ELF1: variants seen among roughly 807,000 people sequenced by gnomAD.
ELF1 encodes E74 like ETS transcription factor 1.
In ELF1, 24 loss-of-function variants were observed where a neutral mutation model predicts 59.9. That is an observed-to-expected ratio of 0.40 (90% CI 0.29 to 0.56). The LOEUF (loss-of-function observed/expected upper bound fraction) is 0.56, where lower values mean the gene tolerates loss of function less well. Ranked by LOEUF, ELF1 falls within the 20% of genes least tolerant of loss-of-function variation. ELF1 has a pLI of 0.44. For missense variants in ELF1, 627 were observed against 742.2 expected, an observed-to-expected ratio of 0.84 and a Z score of 1.80; for synonymous variants, 248 against 266.2, an observed-to-expected ratio of 0.93 and a Z score of 0.67.
At chr13:41,042,533 C>A in intron 1 of ELF1, among the ~76,000 whole-genome samples, 1 of 152,088 alleles carries the variant, frequency 6.6e-6, no homozygotes, top group East Asian at 1.9e-4. Flanking sequence ...TGTTCAATTC[C>A]TACCTATGAG....
At chr13:41,002,338 A>G (rs1447018411) in intron 1 of ELF1, among the ~76,000 whole-genome samples, 4 of 152,142 alleles carry the variant, frequency 2.6e-5, no homozygotes, top group Non-Finnish European at 5.9e-5. Flanking sequence ...TTAATAGTAG[A>G]TGGCCTGCAG....
At chr13:40,935,821 C>T (rs1593345715) in intron 8 of ELF1, among the ~76,000 whole-genome samples, 1 of 151,908 alleles carries the variant, frequency 6.6e-6, no homozygotes, top group African/African-American at 2.4e-5. Context: ...TATAGGCACC[C>T]GCCACCATGC....
chr13:40,979,492 C>A (rs943262980), intron 2 of ELF1, among the ~76,000 whole-genome samples: 1 of 152,216 alleles, frequency 6.6e-6, no homozygotes, highest in South Asian at 2.1e-4. Flanking sequence ...TTAACCACCG[C>A]TACTACTAGG....
At chr13:41,059,758 T>C (rs890929011) in intron 1 of ELF1, among the ~76,000 whole-genome samples, 10 of 152,248 alleles carry the variant, frequency 6.6e-5, no homozygotes, top group Non-Finnish European at 1.3e-4. Flanking sequence ...ACAGGGCTTC[T>C]ATATTTAAAA....
chr13:41,049,936 G>A (rs1482975350), intron 1 of ELF1, among the ~76,000 whole-genome samples: 1 of 152,168 alleles, frequency 6.6e-6, no homozygotes, highest in African/African-American at 2.4e-5. Context: ...ATAAGAAACT[G>A]CATCATTACA....
chr13:41,052,233 C>A (rs1038354689), intron 1 of ELF1, among the ~76,000 whole-genome samples: 4 of 152,088 alleles, frequency 2.6e-5, no homozygotes, highest in Non-Finnish European at 4.4e-5. Context: ...AGACACTGCG[C>A]CTGGCCAGAA....
At chr13:40,952,554 G>T (rs1423565166) in intron 3 of ELF1, among the ~76,000 whole-genome samples, 1 of 151,808 alleles carries the variant, frequency 6.6e-6, no homozygotes, top group Non-Finnish European at 1.5e-5. Context: ...TAGAGACAGG[G>T]TCCCGCTATG....
At chr13:41,049,742 C>G (rs1172121326) in intron 1 of ELF1, among the ~76,000 whole-genome samples, 1 of 152,076 alleles carries the variant, frequency 6.6e-6, no homozygotes, top group Non-Finnish European at 1.5e-5. Flanking sequence ...CTTAGGGAAG[C>G]CTTCTCAATC....
At chr13:41,035,836 T>TAAA (rs776051057) in intron 1 of ELF1, among the ~76,000 whole-genome samples, 68 of 148,726 alleles carry the variant, frequency 4.6e-4, no homozygotes, top group East Asian at 3.9e-4. Context: ...AACTTCTTGT[T>TAAA]AAAAAAAAAA....
chr13:40,936,141 T>C (rs1037118560), intron 8 of ELF1, among the ~76,000 whole-genome samples: 5 of 152,118 alleles, frequency 3.3e-5, no homozygotes, highest in African/African-American at 1.2e-4. Context: ...CACAAACAGG[T>C]TGCAACAGCT....
chr13:41,055,580 T>C (rs1393562907), intron 1 of ELF1, among the ~76,000 whole-genome samples: 1 of 152,202 alleles, frequency 6.6e-6, no homozygotes, highest in African/African-American at 2.4e-5. Flanking sequence ...CATAATTATC[T>C]GTATACTTAC....
At chr13:41,010,275 A>G (rs1382062108) in intron 1 of ELF1, among the ~76,000 whole-genome samples, 2 of 134,756 alleles carry the variant, frequency 1.5e-5, no homozygotes, top group African/African-American at 2.8e-5. Context: ...AGAAAGAAAG[A>G]AAGGAAAAAA....
chr13:40,940,922 T>C lies in ELF1; in HGVS notation c.1255A>G (p.Arg419Gly), dbSNP rs1268456193. The change falls in exon 8 of 9, where the codon AGG becomes GGG. Residue 419 changes from arginine to glycine, a missense_variant and splice_region_variant. By Grantham distance (125) the Arg-to-Gly change is moderately radical. Coordinates refer to ENST00000239882, the MANE Select transcript of ELF1 (RefSeq NM_172373.4). ...GCATCAGTAGTTTGGTTTTCTCACC[T>C]AATACTCTGAACGGAAGAATTTAAT... The part of the protein sequence containing the change: ...ETLNSSVQSI[R>G]TIQAPTQVPV... 6.2e-7 allele frequency: 1 copy of C among 1,608,822 alleles called. No individual in the cohort carries two copies. Among genetic ancestry groups the C allele is most frequent in the Non-Finnish European group, 8.5e-7 (1 of 1,176,938 alleles).
At chr13:40,956,507 T>C (rs1871442315) in intron 3 of ELF1, among the ~76,000 whole-genome samples, 1 of 146,938 alleles carries the variant, frequency 6.8e-6, no homozygotes, top group African/African-American at 2.6e-5. Flanking sequence ...TCTGCTGACC[T>C]TCCCTCCACT....
At position 40,941,242 on chromosome 13, in the gene ELF1, T is replaced by A. The variant is rs1870153832; in HGVS notation, c.935A>T (p.Asp312Val). ...AGTGGCTGATGAAGATAGCGATGGA[T>A]CTGAAGACTCTATGCTGGAACTTGG... ...EDPSSSIESS[D>V]PSLSSSATSN... Residue 312 changes from aspartate to valine, a missense_variant, in exon 8 of 9, where the codon GAT becomes GTT. By Grantham distance (152) the Asp-to-Val change is radical. This residue lies in a region of ELF1 where 361 missense variants were observed against 396.1 expected (regional missense o/e 0.91). Transcript: ENST00000239882. 6.2e-7 allele frequency: 1 copy of A among 1,614,208 alleles called. No homozygotes were observed.
intron 8 of ELF1, among the ~76,000 whole-genome samples, chr13:40,940,446 T>C (rs1870080287): frequency 7.0e-6 from 1 of 143,596 alleles, no homozygotes; most frequent in African/African-American, 2.7e-5. Flanking sequence ...CTTCTGCCAC[T>C]CTAAAAGAGG....
At position 41,019,280 on chromosome 13, in the gene ELF1, C is replaced by A. The variant is rs1050520284; in HGVS notation, c.-281G>T. The A allele has an allele frequency of 3.0e-6, 3 of 985,222 alleles. No homozygotes were observed. The African/African-American group carries it at 5.2e-5, about 17-fold the overall frequency. The allele number at this position is 985,222 out of a possible 1,614,324, so 61.0% of individuals were successfully genotyped here. A position where few individuals can be genotyped will look rare whatever the true frequency, so the allele number is the denominator to read the frequency against. ...TTGAGCTTGAAAATAAAAAGCAATC[C>A]GACAAGTTTTAGCTGTTAAAATGGC... On this transcript the variant is annotated 5_prime_UTR_variant, in exon 1 of 9. Transcript: ENST00000239882.
chr13:41,029,066 ATAAT>A, intron 1 of ELF1, among the ~76,000 whole-genome samples: 1 of 152,290 alleles, frequency 6.6e-6, no homozygotes, highest in South Asian at 2.1e-4. Flanking sequence ...TTTACATCAT[ATAAT>A]TAAATTGTGG....
intron 2 of ELF1, among the ~76,000 whole-genome samples, chr13:40,976,490 G>GA (rs1872910609): frequency 6.6e-6 from 1 of 152,268 alleles, no homozygotes; most frequent in Admixed American, 6.5e-5. Flanking sequence ...AACACTGCAT[G>GA]AAAAAATCAC....
Sources: gnomAD v4.1 joint callset for allele counts (sites outside exome capture counted in the v4.1 genomes callset) on GRCh38, gnomAD v4.1.1 for gene constraint, gnomAD v4.1.1 regional missense constraint, MANE v1.5 for transcripts, NCBI Gene and HGNC (gene_info 2026-07-23, HGNC 2026-07-21) for gene names.